The following RMI2 variants were observed in gnomAD, a reference collection of about 807,000 sequenced individuals.
The protein encoded by RMI2 is RecQ mediated genome instability 2.
In RMI2, 11 loss-of-function variants were observed where a neutral mutation model predicts 8.4. The observed-to-expected ratio is 1.32, with a 90% CI of 0.83 to 2.18. The LOEUF (loss-of-function observed/expected upper bound fraction) is 2.18. RMI2 is among the 30% of genes most tolerant of loss of function. The pLI is 0.00. For missense variants in RMI2, 253 were observed against 207.5 expected (o/e 1.22, Z -1.35); for synonymous variants, 105 against 93.8 (o/e 1.12, Z -0.69).
At chr16:11,346,007 C>T (rs956503275) in intron 1 of RMI2, among the ~76,000 whole-genome samples, 4 of 152,246 alleles carry the variant, frequency 2.6e-5, no homozygotes, top group Admixed American at 1.3e-4. Flanking sequence ...CTGGGACTCT[C>T]CCACCCCTAG....
chr16:11,347,178 C>T (rs190476818), intron 1 of RMI2, among the ~76,000 whole-genome samples: 2 of 152,300 alleles, frequency 1.3e-5, no homozygotes, highest in Admixed American at 6.5e-5. Flanking sequence ...CGCAGAGGAT[C>T]GCTGATCTTT....
Position 11,345,573 on chromosome 16 carries a change from G to A in RMI2, c.102G>A (p.Ala34=), listed in dbSNP as rs969137634. Residue 34 remains alanine, a synonymous_variant, in exon 1 of 2, where the codon GCG becomes GCA. Transcript: ENST00000312499. Reference sequence around the variant, plus strand: ...TGGCGGAGCAGCTGCGGCGCGACGCGGAGGGCGGCCCGGGCGCGTGGCGGC... The same window carrying A: ...TGGCGGAGCAGCTGCGGCGCGACGCAGAGGGCGGCCCGGGCGCGTGGCGGC... The part of the protein sequence containing the change: ...KVLAEQLRRD[A]EGGPGAWRLS... 6.5e-6 allele frequency: 8 copies of A among 1,226,832 alleles called. No individual in the cohort carries two copies. Among genetic ancestry groups the A allele is most frequent in the African/African-American group, 1.6e-5 (1 of 63,924 alleles). The allele number at this position is 1,226,832 out of a possible 1,614,324, so 76.0% of individuals were successfully genotyped here. A position where few individuals can be genotyped will look rare whatever the true frequency, so the allele number is the denominator to read the frequency against.
At chr16:11,348,502 G>A (rs1360949435) in intron 1 of RMI2, 1 of 152,236 alleles carries the variant, frequency 6.6e-6, no homozygotes, top group Non-Finnish European at 1.5e-5. Context: ...CAGCTGGCAG[G>A]GGCCATGTCA....
chr16:11,351,241 A>T lies in RMI2; in HGVS notation c.*451A>T, dbSNP rs1021589374. The T allele has an allele frequency of 3.0e-5, 7 of 233,288 alleles. No homozygotes were observed. Among genetic ancestry groups the T allele is most frequent in the Non-Finnish European group, 5.1e-5 (6 of 118,166 alleles). 14.5% of individuals were successfully genotyped at this position (233,288 alleles called of 1,614,324 possible). On this transcript the variant is annotated 3_prime_UTR_variant, in exon 2 of 2. Coordinates refer to ENST00000312499, the MANE Select transcript of RMI2 (RefSeq NM_152308.3). Reference sequence around the variant, plus strand: ...AGGAAGACAGACTGTGTAAAAAAGGAATGACATCCTGGCTCCTCATCTTCT... The same window carrying T: ...AGGAAGACAGACTGTGTAAAAAAGGTATGACATCCTGGCTCCTCATCTTCT...
In RMI2 at chr16:11,345,530, C is replaced by A; in HGVS notation, c.59C>A (p.Ser20Ter). 7.8e-7 allele frequency: 1 copy of A among 1,287,606 alleles called. No homozygotes were observed. Among genetic ancestry groups the A allele is most frequent in the Non-Finnish European group, 9.9e-7 (1 of 1,014,350 alleles). 79.8% of individuals were successfully genotyped at this position (1,287,606 alleles called of 1,614,324 possible). The part of the protein sequence containing the change: ...GGPAGVRLPR[S>*]PPLKVLAEQL... ...CCCGCGGGGGTGCGGCTTCCGAGGT[C>A]GCCGCCACTCAAGGTGCTGGCGGAG... Residue 20 changes from serine to a stop codon, truncating the protein, a stop_gained, in exon 1 of 2, where the codon TCG becomes TAG. Transcript: ENST00000312499. LOFTEE classifies it high-confidence loss of function.
At chr16:11,350,341 A>G (rs745801413) in intron 1 of RMI2, among the ~76,000 whole-genome samples, 1 of 152,246 alleles carries the variant, frequency 6.6e-6, no homozygotes. Flanking sequence ...CTATAATCCC[A>G]GCACTTTGGG....
At chr16:11,350,356 C>T (rs533282366) in intron 1 of RMI2, among the ~76,000 whole-genome samples, 1 of 152,248 alleles carries the variant, frequency 6.6e-6, no homozygotes, top group African/African-American at 2.4e-5. Flanking sequence ...TTTGGGATAC[C>T]AAGGTGGGTG....
In RMI2 at chr16:11,348,197, C is replaced by T. The variant is rs192828141; in HGVS notation, c.295+2431C>T. The T allele has an allele frequency of 2.6e-5, 4 of 152,382 alleles. 1 individual carries two copies. The East Asian group carries it at 5.8e-4, about 22-fold the overall frequency. The allele number at this position is 152,382 out of a possible 1,614,324, so 9.4% of individuals were successfully genotyped here. A position where few individuals can be genotyped will look rare whatever the true frequency, so the allele number is the denominator to read the frequency against. ...TGGTAATTTACAGAATGTCTCGGGC[C>T]GCTGTCCCACCCCAGCTAGAATTTT... On this transcript the variant is annotated intron_variant, in intron 1 of 1. Transcript: ENST00000312499.
rs2070932216 is a variant in RMI2 at position 11,349,387 on chromosome 16, C to T, written c.296-1255C>T. ...GAGTGGGAGAGGGTGTGGGTAGAAC[C>T]TACAAGGTCAATTTGTCCCATCGCG... is the stretch of plus-strand genomic sequence containing the variant. On this transcript the variant is annotated intron_variant, in intron 1 of 1. Coordinates refer to ENST00000312499, the MANE Select transcript of RMI2 (RefSeq NM_152308.3). This position sits in a 1 kb window ranked among gnomAD's most constrained non-coding sequence, Gnocchi z 4.2. 6.6e-6 allele frequency: 1 copy of T among 152,358 alleles called. No homozygotes were observed. The highest frequency in any genetic ancestry group is 6.5e-5 in the Admixed American group (1 of 15,272). 9.4% of individuals were successfully genotyped at this position (152,358 alleles called of 1,614,324 possible). A position where few individuals can be genotyped will look rare whatever the true frequency, so the allele number is the denominator to read the frequency against.
Position 11,351,742 on chromosome 16 carries a change from T to C in RMI2, c.*952T>C. The C allele has an allele frequency of 4.8e-6, 1 of 209,020 alleles. No individual in the cohort carries two copies. Among genetic ancestry groups the C allele is most frequent in the Non-Finnish European group, 9.7e-6 (1 of 102,964 alleles). The allele number at this position is 209,020 out of a possible 1,614,324, so 12.9% of individuals were successfully genotyped here. A position where few individuals can be genotyped will look rare whatever the true frequency, so the allele number is the denominator to read the frequency against. ...ACCTGGATTATTGATATTCTACCTC[T>C]AATAAATTTTTAATAGGCTGTATGA... On this transcript the variant is annotated 3_prime_UTR_variant, in exon 2 of 2. Transcript: ENST00000312499.
intron 1 of RMI2, among the ~76,000 whole-genome samples, chr16:11,347,546 T>G (rs2070894045): frequency 6.6e-6 from 1 of 152,178 alleles, no homozygotes; most frequent in African/African-American, 2.4e-5. Context: ...TTGTGTGGAT[T>G]CAATAAGTAA....
At chr16:11,348,320 C>T (rs569443225) in intron 1 of RMI2, 9 of 152,396 alleles carry the variant, frequency 5.9e-5, no homozygotes, top group African/African-American at 2.2e-4. Context: ...CTTGGCCCAG[C>T]AAGTAACCCA....
At chr16:11,348,513 TTTC>T (rs1287176907) in intron 1 of RMI2, 1 of 152,258 alleles carries the variant, frequency 6.6e-6, no homozygotes, top group African/African-American at 2.4e-5. Flanking sequence ...GGCCATGTCA[TTTC>T]TTCTTGTTAA....
At chr16:11,346,255 C>CT (rs34808246) in intron 1 of RMI2, among the ~76,000 whole-genome samples, 7,040 of 115,682 alleles carry the variant, frequency 0.061, 517 homozygotes, top group African/African-American at 0.095. Flanking sequence ...TGCCTCCTCT[C>CT]TTTTTTTTTT....
chr16:11,346,201 C>A lies in RMI2; in HGVS notation c.295+435C>A, dbSNP rs1187384854. On this transcript the variant is annotated intron_variant, in intron 1 of 1. Transcript: ENST00000312499. ...CCTAGGAACGGGAGACCCTCCTGTA[C>A]TTCTCCTTAATTGAACTGTCTTGGG... is the stretch of plus-strand genomic sequence containing the variant. Among the ~76,000 whole-genome samples, 3 of 151,620 alleles carry A rather than the reference C, an allele frequency of 2.0e-5. No individual in the cohort carries two copies. In the East Asian group the frequency reaches 5.8e-4, roughly 30 times the overall value.
rs2070852076 is a variant in RMI2 at position 11,345,692 on chromosome 16, T to G, written c.221T>G (p.Leu74Arg). 7.9e-7 allele frequency: 1 copy of G among 1,268,506 alleles called. No individual in the cohort carries two copies. Among genetic ancestry groups the G allele is most frequent in the Non-Finnish European group, 9.9e-7 (1 of 1,009,076 alleles). 78.6% of individuals were successfully genotyped at this position (1,268,506 alleles called of 1,614,324 possible). A position where few individuals can be genotyped will look rare whatever the true frequency, so the allele number is the denominator to read the frequency against. Reference sequence around the variant, plus strand: ...ATGGCGGACCGCGGCGAGGCTCGGCTGAGGGACCCGAGCGGGGACTTCTCG... The same window carrying G: ...ATGGCGGACCGCGGCGAGGCTCGGCGGAGGGACCCGAGCGGGGACTTCTCG... ...VVMADRGEAR[L>R]RDPSGDFSVR... Residue 74 changes from leucine to arginine, a missense_variant, in exon 1 of 2, where the codon CTG (leucine) becomes CGG (arginine). Transcript: ENST00000312499.
Position 11,345,481 on chromosome 16 carries a change from G to T in RMI2, c.10G>T (p.Ala4Ser). 3 of 1,313,620 alleles carry T rather than the reference G, an allele frequency of 2.3e-6. No individual in the cohort carries two copies. The highest frequency in any genetic ancestry group is 4.4e-5 in the South Asian group (2 of 45,716). The allele number at this position is 1,313,620 out of a possible 1,614,324, so 81.4% of individuals were successfully genotyped here. Residue 4 changes from alanine to serine, a missense_variant, in exon 1 of 2, where the codon GCT (alanine) becomes TCT (serine). Ala to Ser is a moderately conservative substitution (Grantham distance 99). Coordinates refer to ENST00000312499, the MANE Select transcript of RMI2 (RefSeq NM_152308.3). ...GGTGCGGCGAGGCGGAATGGCGGCG[G>T]CTGCGGACTCGTTCTCAGGCGGCCC... Reference protein sequence around the residue: MAAAADSFSGGPAG... With the variant: MAASADSFSGGPAG...
intron 1 of RMI2, among the ~76,000 whole-genome samples, chr16:11,346,659 G>A (rs2070876503): frequency 6.6e-6 from 1 of 152,174 alleles, no homozygotes; most frequent in Admixed American, 6.5e-5. Context: ...CCACCCTCAG[G>A]GTTTGTGAGT....
chr16:11,346,331 CT>C (rs1336525189), intron 1 of RMI2, among the ~76,000 whole-genome samples: 3 of 148,938 alleles, frequency 2.0e-5, no homozygotes, highest in Non-Finnish European at 1.5e-5. Context: ...GCGACCTCAG[CT>C]TACTGCAGCC....
Sources: allele counts gnomAD v4.1 joint callset (sites outside exome capture counted in the v4.1 genomes callset), GRCh38; gene constraint gnomAD v4.1.1; non-coding constraint Gnocchi (gnomAD v3.1); transcripts MANE v1.5; gene names NCBI Gene and HGNC (gene_info 2026-07-23, HGNC 2026-07-21).